XRCC4: variants seen among roughly 807,000 people sequenced by gnomAD.
XRCC4 encodes the protein DNA repair protein XRCC4.
Under a neutral mutation model 39.1 loss-of-function variants are expected in XRCC4, and 28 were observed. The observed-to-expected ratio is 0.72, with a 90% CI of 0.53 to 0.98. The LOEUF (loss-of-function observed/expected upper bound fraction) is 0.98. Among genes scored for constraint, XRCC4 ranks in the 50% least tolerant of loss-of-function variants. The pLI is 0.00. For synonymous variants in XRCC4, 123 were observed against 126.4 expected, an observed-to-expected ratio of 0.97 and a Z score of 0.18; for missense variants, 350 against 376.4, an observed-to-expected ratio of 0.93 and a Z score of 0.58.
intron 7 of XRCC4, among the ~76,000 whole-genome samples, chr5:83,337,559 C>T (rs1439461078): frequency 6.6e-6 from 1 of 152,148 alleles, no homozygotes; most frequent in South Asian, 2.1e-4. Flanking sequence ...TCCAACCCAT[C>T]CACCAGATAT....
intron 1 of XRCC4, among the ~76,000 whole-genome samples, chr5:83,095,695 C>T (rs1329661217): frequency 6.6e-6 from 1 of 152,142 alleles, no homozygotes; most frequent in Non-Finnish European, 1.5e-5. Context: ...TGGAGGCTAA[C>T]AAGTCTGTCC....
At chr5:83,291,104 T>G (rs1180967472) in intron 7 of XRCC4, among the ~76,000 whole-genome samples, 1 of 151,814 alleles carries the variant, frequency 6.6e-6, no homozygotes, top group Non-Finnish European at 1.5e-5. Context: ...CTTTTTTTTC[T>G]GAAATGTATG....
intron 7 of XRCC4, among the ~76,000 whole-genome samples, chr5:83,308,309 A>T (rs1320555917): frequency 6.6e-6 from 1 of 152,194 alleles, no homozygotes; most frequent in Non-Finnish European, 1.5e-5. Flanking sequence ...TCATGGAGAG[A>T]TGAATGGATA....
chr5:83,276,753 A>G (rs1295916546), intron 7 of XRCC4, among the ~76,000 whole-genome samples: 1 of 151,230 alleles, frequency 6.6e-6, no homozygotes, highest in Non-Finnish European at 1.5e-5. Flanking sequence ...TGCTTATAAC[A>G]GAATCTTGTT....
At chr5:83,192,671 T>G (rs74892135) in intron 3 of XRCC4, among the ~76,000 whole-genome samples, 2,058 of 152,238 alleles carry the variant, frequency 0.014, 48 homozygotes, top group African/African-American at 0.046. Flanking sequence ...AATGCAGACA[T>G]AGCTTAAACT....
At chr5:83,107,660 G>A (rs1309843682) in intron 2 of XRCC4, among the ~76,000 whole-genome samples, 1 of 151,864 alleles carries the variant, frequency 6.6e-6, no homozygotes, top group Non-Finnish European at 1.5e-5. Context: ...ACTTTCATAA[G>A]AATTCCTATT....
At chr5:83,130,231 G>C (rs990594580) in intron 3 of XRCC4, among the ~76,000 whole-genome samples, 1 of 152,040 alleles carries the variant, frequency 6.6e-6, no homozygotes, top group African/African-American at 2.4e-5. Flanking sequence ...ATAATCATGT[G>C]GTTTTTGTCT....
chr5:83,270,758 CGAAAAAAAAAATATATA>C (rs1754112764), intron 7 of XRCC4, among the ~76,000 whole-genome samples: 2 of 138,190 alleles, frequency 1.4e-5, no homozygotes, highest in African/African-American at 5.9e-5. Flanking sequence ...TTCATTTTTT[CGAAAAAAAAAATATATA>C]CATATATATA....
downstream of XRCC4, among the ~76,000 whole-genome samples, chr5:83,357,891 A>G (rs1368514071): frequency 6.6e-6 from 1 of 152,204 alleles, no homozygotes; most frequent in African/African-American, 2.4e-5. Context: ...TATAGAATCA[A>G]TTTTTAATAA....
chr5:83,300,580 C>CTT (rs70973390), intron 7 of XRCC4, among the ~76,000 whole-genome samples: 2,731 of 122,054 alleles, frequency 0.022, 98 homozygotes, highest in Middle Eastern at 0.09. Context: ...GTGTGTGTCC[C>CTT]TTTTTTTTTT....
intron 6 of XRCC4, among the ~76,000 whole-genome samples, chr5:83,247,808 A>C (rs566487032): frequency 9.2e-5 from 14 of 152,310 alleles, no homozygotes; most frequent in Admixed American, 5.9e-4. Context: ...GTAATTTCAG[A>C]AACTTTCAAA....
At chr5:83,142,887 G>T (rs1748252592) in intron 3 of XRCC4, among the ~76,000 whole-genome samples, 1 of 152,120 alleles carries the variant, frequency 6.6e-6, no homozygotes, top group Non-Finnish European at 1.5e-5. Context: ...TTCCATCGGA[G>T]AAATTATTTG....
chr5:83,162,406 T>C (rs1749259525), intron 3 of XRCC4, among the ~76,000 whole-genome samples: 1 of 152,136 alleles, frequency 6.6e-6, no homozygotes, highest in African/African-American at 2.4e-5. Context: ...GGGGGAGTGA[T>C]AAGTAAAAGA....
chr5:83,333,587 A>G (rs1452022265), intron 7 of XRCC4, among the ~76,000 whole-genome samples: 1 of 152,178 alleles, frequency 6.6e-6, no homozygotes, highest in Admixed American at 6.5e-5. Flanking sequence ...AATTAACAAA[A>G]ATAACACTCA....
At chr5:83,144,318 T>G (rs756720331) in intron 3 of XRCC4, among the ~76,000 whole-genome samples, 4 of 140,246 alleles carry the variant, frequency 2.9e-5, no homozygotes, top group Non-Finnish European at 6.3e-5. Context: ...AAATTGAACA[T>G]CCACATGTAG....
chr5:83,272,888 A>C (rs184542797), intron 7 of XRCC4, among the ~76,000 whole-genome samples: 110 of 152,308 alleles, frequency 7.2e-4, no homozygotes, highest in African/African-American at 2.5e-3. Flanking sequence ...AATAAACATA[A>C]GTGTGCATGT....
At chr5:83,165,446 G>A (rs1214123482) in intron 3 of XRCC4, among the ~76,000 whole-genome samples, 2 of 152,142 alleles carry the variant, frequency 1.3e-5, no homozygotes, top group Non-Finnish European at 2.9e-5. Context: ...TGAGGAGAAT[G>A]ATAAGTGATC....
intron 1 of XRCC4, among the ~76,000 whole-genome samples, chr5:83,088,561 A>G (rs1274582876): frequency 6.6e-6 from 1 of 152,228 alleles, no homozygotes; most frequent in Non-Finnish European, 1.5e-5. Flanking sequence ...TTTTCAGATC[A>G]GCATTTTAAA....
At chr5:83,107,112 G>C (rs1345525509) in intron 2 of XRCC4, among the ~76,000 whole-genome samples, 1 of 151,964 alleles carries the variant, frequency 6.6e-6, no homozygotes, top group Admixed American at 6.6e-5. Flanking sequence ...AAATTTTATA[G>C]TGCACTATGT....
Sources: allele counts gnomAD v4.1 joint callset (sites outside exome capture counted in the v4.1 genomes callset), GRCh38; gene constraint gnomAD v4.1.1; transcripts MANE v1.5; gene names NCBI Gene and HGNC (gene_info 2026-07-23, HGNC 2026-07-21).